CMSS1: variants seen among roughly 807,000 people sequenced by gnomAD.
CMSS1 encodes the protein protein CMSS1.
In CMSS1, 33 loss-of-function variants were observed where a neutral mutation model predicts 43.5. That is an observed-to-expected ratio of 0.76 (90% confidence interval 0.57 to 1.01). The LOEUF (loss-of-function observed/expected upper bound fraction) is 1.01. Among genes scored for constraint, CMSS1 ranks in the 50% least tolerant of loss-of-function variants. CMSS1 has a pLI of 0.00. For missense variants in CMSS1, 313 were observed against 326.4 expected (o/e 0.96, Z 0.32); for synonymous variants, 115 against 117.2 (o/e 0.98, Z 0.12).
At chr3:99,836,774 T>G (rs530639280) in intron 1 of CMSS1, among the ~76,000 whole-genome samples, 10 of 152,350 alleles carry the variant, frequency 6.6e-5, no homozygotes, top group African/African-American at 2.2e-4. Context: ...AGGGAGTGAT[T>G]GGCTTGCTAG....
chr3:99,899,015 A>G (rs1706352268), intron 1 of CMSS1, among the ~76,000 whole-genome samples: 1 of 152,150 alleles, frequency 6.6e-6, no homozygotes, highest in Admixed American at 6.5e-5. Context: ...AGAAGGCTGG[A>G]ACACACATAC....
intron 1 of CMSS1, among the ~76,000 whole-genome samples, chr3:99,989,373 C>T (rs1036638559): frequency 2.0e-5 from 3 of 152,070 alleles, no homozygotes; most frequent in Non-Finnish European, 4.4e-5. Context: ...AGGAAAATCC[C>T]CCAGACAAGA....
intron 1 of CMSS1, among the ~76,000 whole-genome samples, chr3:99,882,097 A>G (rs1400897284): frequency 6.6e-6 from 1 of 152,234 alleles, no homozygotes; most frequent in Admixed American, 6.5e-5. Flanking sequence ...ATTCCTGAGC[A>G]TAAATTTTAA....
At chr3:100,117,684 A>G (rs535123864) in intron 1 of CMSS1, among the ~76,000 whole-genome samples, 1 of 151,652 alleles carries the variant, frequency 6.6e-6, no homozygotes, top group South Asian at 2.1e-4. Flanking sequence ...ATATCTCAGT[A>G]ATAATGTGTA....
chr3:100,138,108 A>T (rs1456181690), intron 1 of CMSS1, among the ~76,000 whole-genome samples: 1 of 152,246 alleles, frequency 6.6e-6, no homozygotes, highest in African/African-American at 2.4e-5. Context: ...CTCCTATTCA[A>T]TAAATGGTGC....
intron 1 of CMSS1, among the ~76,000 whole-genome samples, chr3:99,839,474 G>T (rs932794496): frequency 6.6e-6 from 1 of 152,150 alleles, no homozygotes; most frequent in Admixed American, 6.5e-5. Flanking sequence ...CAGCTTCTCA[G>T]AGAGGACCTT....
intron 1 of CMSS1, among the ~76,000 whole-genome samples, chr3:100,135,923 G>A (rs1168281878): frequency 6.6e-6 from 1 of 152,068 alleles, no homozygotes; most frequent in African/African-American, 2.4e-5. Flanking sequence ...TAGCTTTAAA[G>A]TTTTCTGTGG....
rs761202305 is a variant in CMSS1 at position 99,817,934 on chromosome 3, G to A, written c.-46G>A. 6.3e-7 allele frequency: 1 copy of A among 1,596,870 alleles called. No individual in the cohort carries two copies. Among genetic ancestry groups the A allele is most frequent in the Non-Finnish European group, 8.6e-7 (1 of 1,165,092 alleles). ...TGAGACAACGTGATTCTCCGCAGCT[G>A]GTCGCCTACCCGTGATGTTCTGCCC... On this transcript the variant is annotated 5_prime_UTR_variant, in exon 1 of 10. Transcript: ENST00000421999.
At chr3:99,969,643 A>T (rs1708756449) in intron 1 of CMSS1, among the ~76,000 whole-genome samples, 1 of 152,180 alleles carries the variant, frequency 6.6e-6, no homozygotes, top group Non-Finnish European at 1.5e-5. Context: ...AGAGGTAGTA[A>T]GGGCAAAGGC....
Position 100,001,536 on chromosome 3 carries a change from C to T in CMSS1, c.65-145437C>T, listed in dbSNP as rs556367846. On this transcript the variant is annotated intron_variant, in intron 1 of 9. Transcript: ENST00000421999. ...GTTCTGGGATTTTACATCTTTAAAA[C>T]TCTATCTGATTGCTTTTCGTAGGAA... Among the ~76,000 whole-genome samples the T allele has an allele frequency of 2.8e-4, 43 of 152,308 alleles. 1 individual carries two copies. Among genetic ancestry groups the T allele is most frequent in the African/African-American group, 1.0e-3 (42 of 41,574 alleles).
At chr3:99,880,963 T>C (rs1019049479) in intron 1 of CMSS1, among the ~76,000 whole-genome samples, 3 of 152,332 alleles carry the variant, frequency 2.0e-5, no homozygotes, top group Admixed American at 2.0e-4. Context: ...TCTGTAGACA[T>C]TGGGCTATTT....
intron 1 of CMSS1, among the ~76,000 whole-genome samples, chr3:99,893,476 A>T (rs982055653): frequency 1.3e-5 from 2 of 152,160 alleles, no homozygotes; most frequent in East Asian, 1.9e-4. Flanking sequence ...GCATCTAGAC[A>T]TTTTTTAATA....
chr3:99,986,326 C>G (rs969974593), intron 1 of CMSS1, among the ~76,000 whole-genome samples: 2 of 152,166 alleles, frequency 1.3e-5, no homozygotes, highest in African/African-American at 4.8e-5. Context: ...CCCTCCACTC[C>G]ATTGCCATAA....
intron 1 of CMSS1, among the ~76,000 whole-genome samples, chr3:99,977,090 T>C (rs1475777540): frequency 6.6e-6 from 1 of 152,198 alleles, no homozygotes; most frequent in East Asian, 1.9e-4. Flanking sequence ...GATTTGCTGC[T>C]TTTTCTTGTC....
At chr3:99,856,327 G>A (rs1374668342) in intron 1 of CMSS1, among the ~76,000 whole-genome samples, 3 of 152,180 alleles carry the variant, frequency 2.0e-5, no homozygotes, top group Non-Finnish European at 4.4e-5. Flanking sequence ...GGACGTAGAC[G>A]TTGATCCCTT....
At chr3:99,838,910 T>A (rs1029316374) in intron 1 of CMSS1, among the ~76,000 whole-genome samples, 1 of 152,220 alleles carries the variant, frequency 6.6e-6, no homozygotes, top group Non-Finnish European at 1.5e-5. Context: ...GACTCCCTAG[T>A]GCTGTATTCA....
At chr3:99,833,378 G>T (rs1942766623) in intron 1 of CMSS1, 1 of 798,064 alleles carries the variant, frequency 1.3e-6, no homozygotes, top group Non-Finnish European at 2.0e-6. Flanking sequence ...AAGACTCCCT[G>T]GTTACAGTGA....
At chr3:99,858,477 T>A (rs887919177) in intron 1 of CMSS1, among the ~76,000 whole-genome samples, 31 of 151,818 alleles carry the variant, frequency 2.0e-4, no homozygotes, top group East Asian at 5.8e-4. Flanking sequence ...AAATAAAATT[T>A]AAAAAAAATC....
chr3:99,959,885 T>G (rs1007589517), intron 1 of CMSS1, among the ~76,000 whole-genome samples: 1 of 152,126 alleles, frequency 6.6e-6, no homozygotes. Context: ...CTCAGTGTAG[T>G]AGGACTAAAA....
Sources: gnomAD v4.1 joint callset for allele counts (sites outside exome capture counted in the v4.1 genomes callset) on GRCh38, gnomAD v4.1.1 for gene constraint, MANE v1.5 for transcripts, NCBI Gene and HGNC (gene_info 2026-07-23, HGNC 2026-07-21) for gene names.